The following FAAH2 variants were observed in gnomAD, a reference collection of about 807,000 sequenced individuals.
FAAH2 encodes fatty acid amide hydrolase 2, also known as fatty-acid amide hydrolase 2.
A neutral mutation model predicts 36.9 loss-of-function variants in FAAH2; 60 were observed. That is an observed-to-expected ratio of 1.63 (90% CI 1.32 to 2.02). The LOEUF (loss-of-function observed/expected upper bound fraction) is 2.02, where lower values mean the gene tolerates loss of function less well. FAAH2 is among the 30% of genes most tolerant of loss of function. The probability of loss-of-function intolerance (pLI) is 0.00; values close to 1 mark genes in which losing one functional copy is unlikely to be tolerated. For missense variants in FAAH2, 689 were observed against 397.5 expected, an observed-to-expected ratio of 1.73 and a Z score of -6.23; for synonymous variants, 214 against 143.8, an observed-to-expected ratio of 1.49 and a Z score of -3.49.
the FAAH2 span, among the ~76,000 whole-genome samples, chrX:57,124,203 G>T: frequency 2.7e-5 from 3 of 111,641 alleles, no homozygotes; most frequent in Admixed American, 2.8e-4. Flanking sequence ...AAGGGATCCA[G>T]TTTCAGCTTT....
chrX:57,402,910 C>T (rs762812778), intron 7 of FAAH2, among the ~76,000 whole-genome samples: 53 of 111,818 alleles, frequency 4.7e-4, no homozygotes, highest in Non-Finnish European at 7.9e-4. Context: ...GACTGAGATA[C>T]CAGAGATTGA....
intron 3 of FAAH2, among the ~76,000 whole-genome samples, chrX:57,328,360 G>A (rs962067358): frequency 9.0e-6 from 1 of 111,355 alleles, no homozygotes; most frequent in Non-Finnish European, 1.9e-5. Context: ...TATGCCACTT[G>A]TTATTTTTTC....
chrX:57,393,380 C>G lies in FAAH2; in HGVS notation c.996+12351C>G. 4.1e-6 allele frequency: 3 copies of G among 731,186 alleles called. No homozygotes were observed. The Admixed American group carries it at 6.7e-5, about 16-fold the overall frequency. 60.3% of individuals were successfully genotyped at this position (731,186 alleles called of 1,213,427 possible). The stretch of plus-strand genomic sequence containing the variant: ...AAGCACCACCACGTGAGGGTGGAGA[C>G]CGGAATACTGGGATTTGATGTTAAG... On this transcript the variant is annotated intron_variant, in intron 7 of 10. Transcript: ENST00000374900.
the FAAH2 span, among the ~76,000 whole-genome samples, chrX:57,178,851 A>T: frequency 9.0e-6 from 1 of 111,679 alleles, no homozygotes; most frequent in Non-Finnish European, 1.9e-5. Context: ...AGAAGTCAAA[A>T]CTGCCCCAGG....
intron 8 of FAAH2, among the ~76,000 whole-genome samples, chrX:57,442,989 T>A (rs1055763656): frequency 2.8e-4 from 31 of 112,204 alleles, no homozygotes; most frequent in African/African-American, 9.7e-4. Flanking sequence ...ACTGTTAGTC[T>A]GATGGGCTTC....
At chrX:57,272,535 C>T in the FAAH2 span, among the ~76,000 whole-genome samples, 1 of 111,985 alleles carries the variant, frequency 8.9e-6, no homozygotes, top group African/African-American at 3.2e-5. Flanking sequence ...AAAGGGAAGC[C>T]AATCAGACTA....
chrX:57,143,354 G>A, the FAAH2 span, among the ~76,000 whole-genome samples: 6 of 110,365 alleles, frequency 5.4e-5, no homozygotes, highest in East Asian at 5.6e-4. Context: ...AACTTAACTC[G>A]GACGATGGTG....
intron 9 of FAAH2, among the ~76,000 whole-genome samples, chrX:57,447,567 T>A (rs2056701505): frequency 8.9e-6 from 1 of 112,487 alleles, no homozygotes; most frequent in African/African-American, 3.2e-5. Flanking sequence ...GGCAGAGGTT[T>A]CCAAACATCA....
At chrX:57,313,621 G>A (rs1384957945) in intron 3 of FAAH2, among the ~76,000 whole-genome samples, 1 of 110,593 alleles carries the variant, frequency 9.0e-6, no homozygotes, top group Non-Finnish European at 1.9e-5. Context: ...CTAAAGACAA[G>A]AAATTCCAAC....
the FAAH2 span, among the ~76,000 whole-genome samples, chrX:57,156,433 G>T: frequency 8.9e-6 from 1 of 111,800 alleles, no homozygotes; most frequent in East Asian, 2.8e-4. Flanking sequence ...TGTTCTTAAT[G>T]CTTGTGGATA....
At chrX:57,219,290 G>A in the FAAH2 span, among the ~76,000 whole-genome samples, 4 of 111,249 alleles carry the variant, frequency 3.6e-5, no homozygotes, top group African/African-American at 9.8e-5. Context: ...GTCTGTTGGT[G>A]CACTCTCGGG....
the FAAH2 span, among the ~76,000 whole-genome samples, chrX:57,240,693 C>A: frequency 1.1e-4 from 12 of 112,283 alleles, no homozygotes; most frequent in Admixed American, 2.8e-4. Flanking sequence ...GTAGGGGAGA[C>A]TGTGGGTGAG....
At chrX:57,453,098 C>A (rs1237449903) in intron 10 of FAAH2, among the ~76,000 whole-genome samples, 1 of 111,615 alleles carries the variant, frequency 9.0e-6, no homozygotes, top group Non-Finnish European at 1.9e-5. Context: ...CATGGCTGGT[C>A]ATAAGAACTT....
chrX:57,219,476 C>T, the FAAH2 span, among the ~76,000 whole-genome samples: 32 of 111,932 alleles, frequency 2.9e-4, no homozygotes, highest in Non-Finnish European at 5.5e-4. Context: ...CTGATCTCGC[C>T]TACTGGTAAG....
At chrX:57,171,187 C>A in the FAAH2 span, among the ~76,000 whole-genome samples, 2 of 111,571 alleles carry the variant, frequency 1.8e-5, no homozygotes, top group African/African-American at 6.5e-5. Flanking sequence ...GATTCCATAT[C>A]TTTGCAATTG....
chrX:57,461,843 A>T (rs1462797900), intron 10 of FAAH2, among the ~76,000 whole-genome samples: 4 of 110,806 alleles, frequency 3.6e-5, no homozygotes, highest in Non-Finnish European at 7.5e-5. Flanking sequence ...CTTTAAAAAA[A>T]ATCAATGAAT....
At chrX:57,340,310 G>A (rs981640618) in intron 4 of FAAH2, among the ~76,000 whole-genome samples, 4 of 111,414 alleles carry the variant, frequency 3.6e-5, no homozygotes, top group African/African-American at 1.3e-4. Context: ...ACTGGGGATG[G>A]GCCTGCCTCT....
chrX:57,178,200 A>G, the FAAH2 span, among the ~76,000 whole-genome samples: 4 of 111,961 alleles, frequency 3.6e-5, no homozygotes, highest in Non-Finnish European at 7.5e-5. Flanking sequence ...TAACATTACT[A>G]TGTTGGCTTT....
chrX:57,173,124 A>C, the FAAH2 span, among the ~76,000 whole-genome samples: 1 of 111,777 alleles, frequency 8.9e-6, no homozygotes, highest in Non-Finnish European at 1.9e-5. Context: ...AGTGATGTTA[A>C]AATTTTTATA....
Sources: gnomAD v4.1 joint callset for allele counts (sites outside exome capture counted in the v4.1 genomes callset) on GRCh38, gnomAD v4.1.1 for gene constraint, MANE v1.5 for transcripts, NCBI Gene and HGNC (gene_info 2026-07-23, HGNC 2026-07-21) for gene names.